SMARCD1: variants seen among roughly 807,000 people sequenced by gnomAD.
SMARCD1 encodes the protein SWI/SNF-related matrix-associated actin-dependent regulator of chromatin subfamily D member 1.
Under a neutral mutation model 70.8 loss-of-function variants are expected in SMARCD1, and 16 were observed. That is an observed-to-expected ratio of 0.23 (90% CI 0.15 to 0.34). The LOEUF (loss-of-function observed/expected upper bound fraction) is 0.34, where lower values mean the gene tolerates loss of function less well. Among genes scored for constraint, SMARCD1 ranks in the 10% least tolerant of loss-of-function variants. The pLI is 1.00. For synonymous variants in SMARCD1, 249 were observed against 246.0 expected (o/e 1.01, Z -0.11); for missense variants, 409 against 655.5 (o/e 0.62, Z 4.11).
At chr12:50,096,775 T>C (rs1950896723) in intron 10 of SMARCD1, 75 bp from the exon 11 acceptor site, 1 of 1,436,224 alleles carries the variant, frequency 7.0e-7, no homozygotes, top group South Asian at 1.2e-5. Flanking sequence ...CATGTGGAGT[T>C]GTCAGGCACC....
Position 50,089,946 on chromosome 12 carries a change from G to C in SMARCD1, c.834G>C (p.Val278=). 6.2e-7 allele frequency: 1 copy of C among 1,614,146 alleles called. No individual in the cohort carries two copies. Among genetic ancestry groups the C allele is most frequent in the Non-Finnish European group, 8.5e-7 (1 of 1,180,024 alleles). Reference sequence around the variant, plus strand: ...TTCAGGTGAAGCGGCCGGGAGACGTGAATGTACGGTGTACTGTCCTACTGA... The same window carrying C: ...TTCAGGTGAAGCGGCCGGGAGACGTCAATGTACGGTGTACTGTCCTACTGA... ...DGFQVKRPGD[V]NVRCTVLLML... The change falls in exon 7 of 13, where the codon GTG becomes GTC. Residue 278 remains valine, a synonymous_variant. Transcript: ENST00000394963.
chr12:50,086,468 C>T (rs1950791133), intron 2 of SMARCD1, 120 bp downstream of exon 2: 1 of 553,492 alleles, frequency 1.8e-6, no homozygotes, highest in Admixed American at 6.5e-5. Flanking sequence ...AGAACTCATC[C>T]TTGAGAATGC....
Position 50,100,021 on chromosome 12 carries a change from G to A in SMARCD1, c.*1021G>A, listed in dbSNP as rs1323766076. On this transcript the variant is annotated 3_prime_UTR_variant, in exon 13 of 13. Coordinates refer to ENST00000394963, the MANE Select transcript of SMARCD1 (RefSeq NM_003076.5). Reference sequence around the variant, plus strand: ...AGGGCTGGAGAATAGCGCTGAGTTGGGTTTGTGACTCTTCCCTCTCCCTGC... The same window carrying A: ...AGGGCTGGAGAATAGCGCTGAGTTGAGTTTGTGACTCTTCCCTCTCCCTGC... The A allele has an allele frequency of 1.3e-5, 2 of 152,684 alleles. No homozygotes were observed. Among genetic ancestry groups the A allele is most frequent in the African/African-American group, 2.4e-5 (1 of 41,408 alleles). The allele number at this position is 152,684 out of a possible 1,614,324, so 9.5% of individuals were successfully genotyped here. A position where few individuals can be genotyped will look rare whatever the true frequency, so the allele number is the denominator to read the frequency against.
chr12:50,099,393 C>A lies in SMARCD1; in HGVS notation c.*393C>A, dbSNP rs544534477. On this transcript the variant is annotated 3_prime_UTR_variant, in exon 13 of 13. Transcript: ENST00000394963. The stretch of plus-strand genomic sequence containing the variant: ...GACCCAGGAGTTGGGAGCTTTCGCT[C>A]CTTCTCCAAGACTCAGGCCTGTGGG... 4.4e-6 allele frequency: 2 copies of A among 456,980 alleles called. No homozygotes were observed. Among genetic ancestry groups the A allele is most frequent in the South Asian group, 6.3e-5 (1 of 15,946 alleles). 28.3% of individuals were successfully genotyped at this position (456,980 alleles called of 1,614,324 possible). A position where few individuals can be genotyped will look rare whatever the true frequency, so the allele number is the denominator to read the frequency against.
chr12:50,089,524 A>G (rs1281828959), intron 6 of SMARCD1: 4 of 191,508 alleles, frequency 2.1e-5, no homozygotes, highest in African/African-American at 6.9e-5. Context: ...CCTATCTTGT[A>G]TAGATGTTCG....
At chr12:50,094,323 G>C (rs1211120882) in intron 9 of SMARCD1, 114 bp from the exon 10 acceptor site, 2 of 1,006,496 alleles carry the variant, frequency 2.0e-6, no homozygotes, top group Non-Finnish European at 1.5e-6. Flanking sequence ...GAAAGTTCTC[G>C]GGCCCTTTTA....
intron 2 of SMARCD1, 54 bp downstream of exon 2, chr12:50,086,402 G>A (rs1038187818): frequency 7.0e-6 from 10 of 1,419,626 alleles, no homozygotes; most frequent in South Asian, 2.6e-5. Context: ...GAGGACACAG[G>A]TGGTGGGAGT....
chr12:50,092,052 C>G (rs557048016), intron 9 of SMARCD1, among the ~76,000 whole-genome samples: 9 of 152,086 alleles, frequency 5.9e-5, no homozygotes, highest in South Asian at 2.1e-4. Flanking sequence ...CCTCCCAATT[C>G]CATTACCTCT....
chr12:50,095,252 A>G (rs765167759), intron 10 of SMARCD1, among the ~76,000 whole-genome samples: 27 of 152,232 alleles, frequency 1.8e-4, no homozygotes, highest in Non-Finnish European at 3.2e-4. Flanking sequence ...GTCCTTGCAA[A>G]TAAAGCCAAA....
chr12:50,096,967 C>T lies in SMARCD1; in HGVS notation c.1387C>T (p.Leu463Phe). The change falls in exon 11 of 13, where the codon CTC becomes TTC. Residue 463 changes from leucine to phenylalanine, a missense_variant. Physicochemically the swap from Leu to Phe is conservative, Grantham distance 22. Around this residue, in one of 2 missense-constraint regions of SMARCD1, gnomAD observed 269 missense variants for 498.6 expected, o/e 0.54. Transcript: ENST00000394963. ...CTGGCTTCAGTCCCAGTGCAGGGAC[C>T]TCAAGGTAAAGAACCTAGGAGAGGT... ...NDWLQSQCRD[L>F]KTMTDVVGNP... The T allele has an allele frequency of 6.2e-7, 1 of 1,613,356 alleles. No individual in the cohort carries two copies. The highest frequency in any genetic ancestry group is 8.5e-7 in the Non-Finnish European group (1 of 1,179,536).
chr12:50,088,243 G>T (rs944159912), intron 5 of SMARCD1: 13 of 702,078 alleles, frequency 1.9e-5, no homozygotes, highest in Non-Finnish European at 3.4e-5. Context: ...TTAGTTATGT[G>T]CAATGGTTTG....
chr12:50,097,902 A>G (rs2137905763), intron 11 of SMARCD1, among the ~76,000 whole-genome samples: 1 of 151,976 alleles, frequency 6.6e-6, no homozygotes, highest in East Asian at 1.9e-4. Context: ...AAAAAAAAAA[A>G]AAAAAAAAAA....
rs1283311747 is a variant in SMARCD1, at chr12:50,089,878, C to G, written c.772-6C>G. On this transcript the variant is annotated splice_region_variant and splice_polypyrimidine_tract_variant and intron_variant, in intron 6 of 12. Transcript: ENST00000394963. ...AGAGCACCCCCTGACATCTTCCTCT[C>G]TGTAGTGGCACAGGACCGCCACTAC... 18 of 1,606,982 alleles carry G rather than the reference C, an allele frequency of 1.1e-5. No individual in the cohort carries two copies. The highest frequency in any genetic ancestry group is 1.5e-5 in the Non-Finnish European group (18 of 1,174,814).
chr12:50,096,113 C>A (rs1950891316), intron 10 of SMARCD1, among the ~76,000 whole-genome samples: 1 of 152,012 alleles, frequency 6.6e-6, no homozygotes, highest in African/African-American at 2.4e-5. Flanking sequence ...ATTTACAGTC[C>A]CGACAGTGAG....
chr12:50,090,143 C>T, intron 7 of SMARCD1, 98 bp from the exon 8 acceptor site: 1 of 1,402,102 alleles, frequency 7.1e-7, no homozygotes, highest in Admixed American at 2.1e-5. Context: ...TTTTCTGTCC[C>T]AGAAAAAGCA....
At chr12:50,091,492 C>T (rs1950843294) in intron 9 of SMARCD1, among the ~76,000 whole-genome samples, 1 of 151,494 alleles carries the variant, frequency 6.6e-6, no homozygotes, top group Admixed American at 6.6e-5. Context: ...TCAGGCTGGT[C>T]TTGAACTCCC....
At position 50,098,803 on chromosome 12, in the gene SMARCD1, C is replaced by T. The variant is rs1387946185; in HGVS notation, c.1482C>T (p.Tyr494=). 6.2e-6 allele frequency: 10 copies of T among 1,613,946 alleles called. No individual in the cohort carries two copies. The highest frequency in any genetic ancestry group is 8.5e-6 in the Non-Finnish European group (10 of 1,179,802). ...QPWAQEAVCR[Y]FYSKVQQRRQ... ...GGGCTCAGGAGGCTGTGTGCCGATACTTCTACTCCAAGGTAAGTACATGGG... is the reference window on the plus strand; with the variant it reads ...GGGCTCAGGAGGCTGTGTGCCGATATTTCTACTCCAAGGTAAGTACATGGG... The change falls in exon 12 of 13, where the codon TAC becomes TAT. Residue 494 remains tyrosine, a synonymous_variant. Coordinates refer to ENST00000394963, the MANE Select transcript of SMARCD1 (RefSeq NM_003076.5).
rs181660222 is a variant in SMARCD1, at chr12:50,098,074, G to A, written c.1393-640G>A. Among the ~76,000 whole-genome samples, 88 of 152,232 alleles carry A rather than the reference G, an allele frequency of 5.8e-4. 2 individuals are homozygous for A. The highest frequency in any genetic ancestry group is 2.1e-3 in the African/African-American group (88 of 41,544). On this transcript the variant is annotated intron_variant, in intron 11 of 12. Coordinates refer to ENST00000394963, the MANE Select transcript of SMARCD1 (RefSeq NM_003076.5). ...ACAAGAAGATAGGAATGGGCACAGAGTATGAACTCATCCGTTGTCACCCCT... is the reference window on the plus strand; with the variant it reads ...ACAAGAAGATAGGAATGGGCACAGAATATGAACTCATCCGTTGTCACCCCT...
chr12:50,099,397 C>G lies in SMARCD1; in HGVS notation c.*397C>G. 2.2e-6 allele frequency: 1 copy of G among 455,442 alleles called. No individual in the cohort carries two copies. Among genetic ancestry groups the G allele is most frequent in the Non-Finnish European group, 3.9e-6 (1 of 259,310 alleles). The allele number at this position is 455,442 out of a possible 1,614,324, so 28.2% of individuals were successfully genotyped here. A position where few individuals can be genotyped will look rare whatever the true frequency, so the allele number is the denominator to read the frequency against. On this transcript the variant is annotated 3_prime_UTR_variant, in exon 13 of 13. Transcript: ENST00000394963. ...CAGGAGTTGGGAGCTTTCGCTCCTT[C>G]TCCAAGACTCAGGCCTGTGGGCACT...
Sources: gnomAD v4.1 joint callset for allele counts (sites outside exome capture counted in the v4.1 genomes callset) on GRCh38, gnomAD v4.1.1 for gene constraint, gnomAD v4.1.1 regional missense constraint, MANE v1.5 for transcripts, NCBI Gene and HGNC (gene_info 2026-07-23, HGNC 2026-07-21) for gene names.